RBFOX1: variants seen among roughly 807,000 people sequenced by gnomAD.
RBFOX1 encodes RNA binding fox-1 homolog 1, also known as RNA binding protein fox-1 homolog 1.
Under a neutral mutation model 57.7 loss-of-function variants are expected in RBFOX1, and 8 were observed. The observed-to-expected ratio is 0.14, with a 90% CI of 0.08 to 0.25. RBFOX1 has a LOEUF of 0.25. RBFOX1 is among the 10% of genes least tolerant of loss of function. The pLI, the probability that RBFOX1 is intolerant of heterozygous loss-of-function variation, is 1.00. For missense variants in RBFOX1, 611 were observed against 548.5 expected, an observed-to-expected ratio of 1.11 and a Z score of -1.14; for synonymous variants, 326 against 222.4, an observed-to-expected ratio of 1.47 and a Z score of -4.15.
At chr16:6,102,157 G>T (rs1597327817) in intron 1 of RBFOX1, among the ~76,000 whole-genome samples, 2 of 139,854 alleles carry the variant, frequency 1.4e-5, no homozygotes, top group African/African-American at 2.7e-5. Flanking sequence ...ATTTATTAGG[G>T]TAATCTTCCC....
chr16:7,230,608 G>A (rs181057247), intron 4 of RBFOX1, among the ~76,000 whole-genome samples: 11 of 152,250 alleles, frequency 7.2e-5, no homozygotes, highest in South Asian at 6.2e-4. Flanking sequence ...TGATGGCATT[G>A]GGCACTACCA....
intron 11 of RBFOX1, among the ~76,000 whole-genome samples, chr16:7,632,252 A>G (rs1031072924): frequency 6.6e-6 from 1 of 152,192 alleles, no homozygotes; most frequent in African/African-American, 2.4e-5. Context: ...AATTAAATGC[A>G]AGACATTTTT....
At chr16:6,809,994 G>A (rs542481616) in intron 3 of RBFOX1, among the ~76,000 whole-genome samples, 1 of 150,314 alleles carries the variant, frequency 6.7e-6, no homozygotes, top group African/African-American at 2.4e-5. Context: ...GTTCTCCTGG[G>A]TGTCTCTCTG....
intron 1 of RBFOX1, among the ~76,000 whole-genome samples, chr16:5,321,797 G>C (rs929660164): frequency 1.3e-5 from 2 of 152,116 alleles, no homozygotes; most frequent in Admixed American, 6.5e-5. Context: ...GGCGTGTGGC[G>C]TCTGTGACTC....
chr16:7,115,866 T>C (rs999066422), intron 4 of RBFOX1, among the ~76,000 whole-genome samples: 2 of 152,234 alleles, frequency 1.3e-5, no homozygotes, highest in African/African-American at 4.8e-5. Context: ...ATTAAATGCC[T>C]ACGCTGGGGA....
intron 4 of RBFOX1, among the ~76,000 whole-genome samples, chr16:7,387,805 A>C (rs1189762642): frequency 6.6e-6 from 1 of 152,152 alleles, no homozygotes; most frequent in Non-Finnish European, 1.5e-5. Flanking sequence ...AAAGCTCCGT[A>C]CGTGTAGGGC....
intron 2 of RBFOX1, among the ~76,000 whole-genome samples, chr16:6,415,174 C>T (rs544488802): frequency 1.2e-4 from 17 of 139,018 alleles, no homozygotes; most frequent in South Asian, 4.7e-4. Flanking sequence ...ACCAGGGAGT[C>T]GGAGGTTGCA....
intron 4 of RBFOX1, among the ~76,000 whole-genome samples, chr16:5,971,666 C>T (rs1422678686): frequency 6.6e-6 from 1 of 152,116 alleles, no homozygotes; most frequent in East Asian, 1.9e-4. Context: ...GATGCCTTCC[C>T]TAGGTCAGAG....
chr16:5,432,621 A>G (rs1268352681), intron 1 of RBFOX1, among the ~76,000 whole-genome samples: 2 of 149,924 alleles, frequency 1.3e-5, no homozygotes, highest in African/African-American at 5.0e-5. Flanking sequence ...TGGGTAAAAA[A>G]AAAAATCACT....
At chr16:6,666,229 G>A (rs1428484944) in intron 3 of RBFOX1, among the ~76,000 whole-genome samples, 2 of 152,084 alleles carry the variant, frequency 1.3e-5, no homozygotes, top group Admixed American at 1.3e-4. Flanking sequence ...ACTAATACAG[G>A]AGGAGTTGAA....
At chr16:7,168,546 A>T (rs916941146) in intron 4 of RBFOX1, among the ~76,000 whole-genome samples, 1 of 152,182 alleles carries the variant, frequency 6.6e-6, no homozygotes, top group Admixed American at 6.5e-5. Flanking sequence ...TAAGTTGCAG[A>T]AAAATGGCCA....
Position 5,377,378 on chromosome 16 carries a change from G to A in RBFOX1, c.220-89838G>A, listed in dbSNP as rs547956283. Among the ~76,000 whole-genome samples, 5 of 151,432 alleles carry A rather than the reference G, an allele frequency of 3.3e-5. No homozygotes were observed. The South Asian group carries it at 8.3e-4, about 25-fold the overall frequency. ...GATGGGGTCACGTAAGCAGAGACTCGAGGGATGAGAAGGAGTTGACCAGGC... is the reference window on the plus strand; with the variant it reads ...GATGGGGTCACGTAAGCAGAGACTCAAGGGATGAGAAGGAGTTGACCAGGC... On this transcript the variant is annotated intron_variant, in intron 1 of 2. Coordinates refer to the RBFOX1 transcript ENST00000585867.
At chr16:5,425,604 G>A (rs1456137517) in intron 1 of RBFOX1, among the ~76,000 whole-genome samples, 1 of 152,216 alleles carries the variant, frequency 6.6e-6, no homozygotes, top group African/African-American at 2.4e-5. Flanking sequence ...ATCCAAGAAA[G>A]AGAGAACGTG....
intron 2 of RBFOX1, among the ~76,000 whole-genome samples, chr16:6,526,786 C>T (rs1351446204): frequency 8.2e-6 from 1 of 122,204 alleles, no homozygotes; most frequent in Admixed American, 1.1e-4. Flanking sequence ...GCCGAGATTG[C>T]ACTACCACAC....
chr16:6,376,999 C>T (rs186522832), intron 2 of RBFOX1, among the ~76,000 whole-genome samples: 10 of 152,004 alleles, frequency 6.6e-5, no homozygotes, highest in Non-Finnish European at 7.4e-5. Flanking sequence ...AGACTGGGCT[C>T]GGTGGCTCAT....
At chr16:7,236,504 A>C (rs775535013) in intron 4 of RBFOX1, among the ~76,000 whole-genome samples, 27 of 152,100 alleles carry the variant, frequency 1.8e-4, no homozygotes, top group Non-Finnish European at 3.8e-4. Flanking sequence ...CATCCATCCC[A>C]TTGCCATTAG....
rs867420650 is a variant in RBFOX1, at chr16:7,350,769, C to G, written c.28-167378C>G. Among the ~76,000 whole-genome samples the G allele has an allele frequency of 2.6e-5, 4 of 152,178 alleles. No homozygotes were observed. The Middle Eastern group carries it at 0.014, about 518-fold the overall frequency. Reference sequence around the variant, plus strand: ...GGCCCGTTTCAGGGATGTGGGGTAACAGAAAAATCACAGTGTTAATGGAAT... The same window carrying G: ...GGCCCGTTTCAGGGATGTGGGGTAAGAGAAAAATCACAGTGTTAATGGAAT... On this transcript the variant is annotated intron_variant, in intron 4 of 15. Coordinates refer to ENST00000550418, the MANE Select transcript of RBFOX1 (RefSeq NM_018723.4).
chr16:7,387,671 C>T (rs1313976675), intron 4 of RBFOX1, among the ~76,000 whole-genome samples: 2 of 152,106 alleles, frequency 1.3e-5, no homozygotes, highest in Non-Finnish European at 2.9e-5. Flanking sequence ...GTCTTTGGCT[C>T]AGGGTGCCAT....
At chr16:6,018,411 C>T (rs965640157), upstream of RBFOX1, among the ~76,000 whole-genome samples, 5 of 152,294 alleles carry the variant, frequency 3.3e-5, no homozygotes, top group African/African-American at 4.8e-5. Flanking sequence ...AAAGTAAATG[C>T]TTATTAAGTG....
Sources: gnomAD v4.1 joint callset for allele counts (sites outside exome capture counted in the v4.1 genomes callset) on GRCh38, gnomAD v4.1.1 for gene constraint, MANE v1.5 for transcripts, NCBI Gene and HGNC (gene_info 2026-07-23, HGNC 2026-07-21) for gene names.